The following TXK variants were observed in gnomAD, a reference collection of about 807,000 sequenced individuals.
The protein encoded by TXK is tyrosine-protein kinase TXK.
TXK carries 60 observed loss-of-function variants against 81.0 expected under a neutral mutation model. The ratio of observed to expected loss-of-function variants is 0.74; its 90% CI spans 0.60 to 0.92. The LOEUF (loss-of-function observed/expected upper bound fraction) is 0.92. TXK is among the 40% of genes least tolerant of loss of function. TXK has a pLI of 0.00. For synonymous variants in TXK, 203 were observed against 210.7 expected, an observed-to-expected ratio of 0.96 and a Z score of 0.32; for missense variants, 581 against 638.3, an observed-to-expected ratio of 0.91 and a Z score of 0.97.
At chr4:48,067,754 C>A in intron 14 of TXK, 49 bp from the exon 15 acceptor site, 1 of 1,564,156 alleles carries the variant, frequency 6.4e-7, no homozygotes, top group Non-Finnish European at 8.8e-7. Context: ...CAACTTATGC[C>A]AAGGGTTCCA....
intron 1 of TXK, among the ~76,000 whole-genome samples, chr4:48,114,767 T>C (rs182612459): frequency 3.6e-4 from 55 of 152,316 alleles, no homozygotes; most frequent in Middle Eastern, 3.4e-3. Flanking sequence ...TTAGCAGGGA[T>C]TTTGAATTAG....
In TXK at chr4:48,086,515, C is replaced by G. The variant is rs1230479971; in HGVS notation, c.907G>C (p.Glu303Gln). The G allele has an allele frequency of 1.9e-6, 3 of 1,614,126 alleles. No individual in the cohort carries two copies. Among genetic ancestry groups the G allele is most frequent in the Non-Finnish European group, 2.5e-6 (3 of 1,180,000 alleles). The change falls in exon 10 of 15, where the codon GAA (glutamate) becomes CAA (glutamine). Residue 303 changes from glutamate to glutamine, a missense_variant. Glu to Gln is a conservative substitution (Grantham distance 29). Transcript: ENST00000264316. ...AAATCCTCTTCAGACATGGAGCCTT[C>G]ATTGATGGCCTTGATAGCTACCTGG... is the stretch of plus-strand genomic sequence containing the variant. ...HIQVAIKAIN[E>Q]GSMSEEDFIE...
At chr4:48,070,359 A>T (rs993227097) in intron 14 of TXK, among the ~76,000 whole-genome samples, 2 of 152,236 alleles carry the variant, frequency 1.3e-5, no homozygotes, top group Non-Finnish European at 2.9e-5. Context: ...TTCCTGACAC[A>T]CTTTCTGCCT....
intron 13 of TXK, among the ~76,000 whole-genome samples, chr4:48,072,257 C>T (rs1716893674): frequency 6.6e-6 from 1 of 152,194 alleles, no homozygotes; most frequent in Non-Finnish European, 1.5e-5. Flanking sequence ...ACCACCTCAG[C>T]CTCCCAAAGT....
chr4:48,124,753 C>T (rs1442039846), intron 1 of TXK, among the ~76,000 whole-genome samples: 3 of 152,142 alleles, frequency 2.0e-5, no homozygotes, highest in African/African-American at 7.2e-5. Context: ...TATTTTTAAA[C>T]AAATGCTTAT....
At chr4:48,131,682 C>A (rs1719251114) in intron 1 of TXK, among the ~76,000 whole-genome samples, 1 of 152,200 alleles carries the variant, frequency 6.6e-6, no homozygotes, top group Non-Finnish European at 1.5e-5. Flanking sequence ...AAATATCCCG[C>A]CAATAGGTAG....
intron 4 of TXK, among the ~76,000 whole-genome samples, chr4:48,112,047 A>G (rs1431137859): frequency 6.6e-6 from 1 of 152,264 alleles, no homozygotes; most frequent in African/African-American, 2.4e-5. Flanking sequence ...TTGTACAAAT[A>G]AAGAAACAAA....
chr4:48,089,237 A>G (rs1717653603), intron 9 of TXK: 1 of 152,210 alleles, frequency 6.6e-6, no homozygotes, highest in African/African-American at 2.4e-5. Flanking sequence ...AGTCAAACGG[A>G]AGCATTTCTC....
chr4:48,094,055 C>T (rs1328056891), intron 8 of TXK, 22 bp downstream of exon 8: 26 of 1,612,822 alleles, frequency 1.6e-5, no homozygotes, highest in Non-Finnish European at 2.0e-5. Flanking sequence ...CTGACTCACC[C>T]AGCTGGAAGT....
At chr4:48,124,639 G>T (rs79703431) in intron 1 of TXK, among the ~76,000 whole-genome samples, 1 of 151,814 alleles carries the variant, frequency 6.6e-6, no homozygotes, top group Non-Finnish European at 1.5e-5. Flanking sequence ...TAAGCTGACC[G>T]TGACCTTTTG....
intron 9 of TXK, 99 bp downstream of exon 9, chr4:48,089,651 C>G: frequency 9.9e-7 from 1 of 1,009,592 alleles, no homozygotes; most frequent in South Asian, 1.4e-5. Context: ...CTTTGCCTCC[C>G]AAAGTGCTAG....
At chr4:48,089,886 T>G in intron 8 of TXK, 62 bp from the exon 9 acceptor site, 4 of 1,205,018 alleles carry the variant, frequency 3.3e-6, no homozygotes, top group Non-Finnish European at 4.9e-6. Context: ...AAGAATGAAA[T>G]ATTCTAGAAG....
chr4:48,100,445 A>AT (rs1377414975), intron 6 of TXK, among the ~76,000 whole-genome samples: 15 of 152,346 alleles, frequency 9.8e-5, no homozygotes, highest in African/African-American at 2.9e-4. Flanking sequence ...AATTTAGCAT[A>AT]TAAAAAATGC....
At chr4:48,104,337 A>T (rs1248641598) in intron 6 of TXK, among the ~76,000 whole-genome samples, 1 of 3,116 alleles carries the variant, frequency 3.2e-4, no homozygotes, top group Non-Finnish European at 4.3e-4. Context: ...ATAATATATA[A>T]TATATATAAT....
intron 10 of TXK, among the ~76,000 whole-genome samples, chr4:48,083,618 C>T (rs1407799456): frequency 6.6e-6 from 1 of 152,200 alleles, no homozygotes; most frequent in Non-Finnish European, 1.5e-5. Context: ...AAGTTGGGAT[C>T]TTAATAGAAG....
intron 6 of TXK, among the ~76,000 whole-genome samples, chr4:48,102,638 G>A (rs1236142063): frequency 2.6e-5 from 4 of 152,152 alleles, no homozygotes; most frequent in Non-Finnish European, 5.9e-5. Context: ...TCTCGCCCTT[G>A]TGTACAAGAT....
intron 1 of TXK, among the ~76,000 whole-genome samples, chr4:48,132,728 T>C (rs1256876535): frequency 1.3e-5 from 2 of 151,998 alleles, no homozygotes; most frequent in African/African-American, 4.8e-5. Context: ...GGCAAATCAC[T>C]TGAGGTCAGG....
chr4:48,092,820 G>A (rs1717829102), intron 8 of TXK, among the ~76,000 whole-genome samples: 1 of 152,188 alleles, frequency 6.6e-6, no homozygotes, highest in South Asian at 2.1e-4. Flanking sequence ...GACAGAAGAG[G>A]AGACGGAGGT....
At chr4:48,114,711 T>C (rs1052212549) in intron 1 of TXK, among the ~76,000 whole-genome samples, 3 of 152,210 alleles carry the variant, frequency 2.0e-5, no homozygotes, top group African/African-American at 7.2e-5. Flanking sequence ...CTAACAAATA[T>C]ACAAGAGAAT....
Sources: allele counts gnomAD v4.1 joint callset (sites outside exome capture counted in the v4.1 genomes callset), GRCh38; gene constraint gnomAD v4.1.1; transcripts MANE v1.5; gene names NCBI Gene and HGNC (gene_info 2026-07-23, HGNC 2026-07-21).